Variants in CSMD1 observed in about 807,000 individuals in gnomAD.
CSMD1 encodes the protein CUB and Sushi multiple domains 1.
Under a neutral mutation model 417.5 loss-of-function variants are expected in CSMD1, and 213 were observed. That is an observed-to-expected ratio of 0.51 (90% CI 0.46 to 0.57). The LOEUF (loss-of-function observed/expected upper bound fraction) is 0.57, where lower values mean the gene tolerates loss of function less well. Among genes scored for constraint, CSMD1 ranks in the 20% least tolerant of loss-of-function variants. CSMD1 has a pLI of 0.00. For missense variants in CSMD1, 6,923 were observed against 4,529.7 expected (o/e 1.53, Z -15.17); for synonymous variants, 2,862 against 1,736.8 (o/e 1.65, Z -16.11).
intron 3 of CSMD1, among the ~76,000 whole-genome samples, chr8:4,250,755 T>C (rs1650598272): frequency 6.6e-6 from 1 of 152,202 alleles, no homozygotes; most frequent in Admixed American, 6.5e-5. Context: ...AAACTGTAAA[T>C]ATGTATAAAT....
At chr8:3,259,541 A>T (rs1585831946) in intron 26 of CSMD1, among the ~76,000 whole-genome samples, 2 of 152,208 alleles carry the variant, frequency 1.3e-5, no homozygotes, top group Non-Finnish European at 2.9e-5. Flanking sequence ...AGGTTATTTT[A>T]TTTAAAATGA....
intron 1 of CSMD1, among the ~76,000 whole-genome samples, chr8:4,660,180 A>G (rs1378696889): frequency 6.6e-6 from 1 of 151,836 alleles, no homozygotes; most frequent in Non-Finnish European, 1.5e-5. Flanking sequence ...AAAACTGTCC[A>G]TATTTAAAGA....
chr8:3,572,309 C>CA (rs1464508936), intron 10 of CSMD1, among the ~76,000 whole-genome samples: 1 of 152,128 alleles, frequency 6.6e-6, no homozygotes, highest in East Asian at 1.9e-4. Flanking sequence ...GCAGGAGCTT[C>CA]AGGGAGCAGT....
At chr8:4,290,260 T>C (rs575670690) in intron 3 of CSMD1, among the ~76,000 whole-genome samples, 7 of 152,298 alleles carry the variant, frequency 4.6e-5, no homozygotes, top group African/African-American at 1.4e-4. Context: ...AGGGTGATGT[T>C]TGTTAGAAGA....
chr8:4,364,158 A>G (rs1160762553), intron 3 of CSMD1, among the ~76,000 whole-genome samples: 5 of 152,212 alleles, frequency 3.3e-5, no homozygotes, highest in Admixed American at 2.6e-4. Context: ...CTTGTACTTC[A>G]TAAATATATA....
intron 2 of CSMD1, among the ~76,000 whole-genome samples, chr8:4,468,027 C>T (rs904678636): frequency 1.8e-4 from 27 of 151,504 alleles, no homozygotes; most frequent in Admixed American, 1.7e-3. Flanking sequence ...CCATCTCTCA[C>T]ATGGGTTACT....
At chr8:4,905,798 C>T (rs181808198) in intron 1 of CSMD1, among the ~76,000 whole-genome samples, 15 of 141,986 alleles carry the variant, frequency 1.1e-4, no homozygotes, top group Admixed American at 3.7e-4. Flanking sequence ...CCAGCCTGGG[C>T]CACAGAGCGA....
chr8:4,357,873 G>A (rs1022814528), intron 3 of CSMD1, among the ~76,000 whole-genome samples: 7 of 152,036 alleles, frequency 4.6e-5, no homozygotes, highest in Non-Finnish European at 1.0e-4. Flanking sequence ...ATATTTTAAT[G>A]CTAAAATCAT....
At chr8:3,875,235 G>T (rs774455089) in intron 5 of CSMD1, among the ~76,000 whole-genome samples, 33 of 152,182 alleles carry the variant, frequency 2.2e-4, no homozygotes, top group Non-Finnish European at 8.8e-5. Context: ...TGGTCCTCAT[G>T]ATTTGAATTG....
At chr8:4,711,225 T>A (rs12681149) in intron 1 of CSMD1, among the ~76,000 whole-genome samples, 47,348 of 151,818 alleles carry the variant, frequency 0.31, 8,095 homozygotes, top group East Asian at 0.41. Flanking sequence ...TAAAAAATGT[T>A]AATCATGCTA....
chr8:3,378,654 A>T lies in CSMD1; in HGVS notation c.2782+8840T>A, dbSNP rs530956132. 2.0e-5 allele frequency among the ~76,000 whole-genome samples: 3 copies of T among 152,312 alleles called. No homozygotes were observed. The South Asian group carries it at 6.2e-4, about 32-fold the overall frequency. On this transcript the variant is annotated intron_variant, in intron 18 of 69. Coordinates refer to ENST00000635120, the MANE Select transcript of CSMD1 (RefSeq NM_033225.6). ...CAGAACCAATGACAAAAACCACATG[A>T]TTATCTCAAGAGATGAAGAAAAGGC...
intron 1 of CSMD1, among the ~76,000 whole-genome samples, chr8:4,639,425 T>C (rs142852228): frequency 6.6e-6 from 1 of 152,268 alleles, no homozygotes; most frequent in African/African-American, 2.4e-5. Flanking sequence ...TAAATATTAC[T>C]ATCCTGTAAG....
At chr8:4,959,171 A>G (rs1809317312) in intron 1 of CSMD1, among the ~76,000 whole-genome samples, 2 of 152,214 alleles carry the variant, frequency 1.3e-5, no homozygotes, top group South Asian at 4.1e-4. Context: ...ACTGGTTTCT[A>G]TGACACAGCT....
intron 2 of CSMD1, among the ~76,000 whole-genome samples, chr8:4,563,537 T>G (rs1262575100): frequency 6.6e-6 from 1 of 152,190 alleles, no homozygotes; most frequent in Admixed American, 6.5e-5. Flanking sequence ...CTGATACTCC[T>G]CACCACACAT....
At chr8:4,729,058 A>G (rs894034026) in intron 1 of CSMD1, among the ~76,000 whole-genome samples, 5 of 152,194 alleles carry the variant, frequency 3.3e-5, no homozygotes, top group African/African-American at 1.2e-4. Flanking sequence ...GATGACCTGA[A>G]TATAGACAGG....
intron 18 of CSMD1, among the ~76,000 whole-genome samples, chr8:3,373,118 C>A (rs1810077856): frequency 6.6e-6 from 1 of 152,154 alleles, no homozygotes; most frequent in Admixed American, 6.6e-5. Flanking sequence ...CCAAAATCTG[C>A]ATGTTATATA....
At chr8:3,655,475 A>T (rs1359650995) in intron 7 of CSMD1, among the ~76,000 whole-genome samples, 1 of 152,190 alleles carries the variant, frequency 6.6e-6, no homozygotes, top group Non-Finnish European at 1.5e-5. Flanking sequence ...GACAAACAAT[A>T]GTATCAGAAA....
At position 4,406,616 on chromosome 8, in the gene CSMD1, C is replaced by T. The variant is rs116570833; in HGVS notation, c.415+13337G>A. Among the ~76,000 whole-genome samples, 417 of 152,200 alleles carry T rather than the reference C, an allele frequency of 2.7e-3. 1 individual carries two copies. Among genetic ancestry groups the T allele is most frequent in the African/African-American group, 9.4e-3 (392 of 41,532 alleles). On this transcript the variant is annotated intron_variant, in intron 3 of 69. Coordinates refer to ENST00000635120, the MANE Select transcript of CSMD1 (RefSeq NM_033225.6). Reference sequence around the variant, plus strand: ...AGACACCCACACCAAGGAAAGTGACCGGAGGCTGGGACTGGCCACACAACA... The same window carrying T: ...AGACACCCACACCAAGGAAAGTGACTGGAGGCTGGGACTGGCCACACAACA...
chr8:3,105,965 T>C (rs1303260890), intron 46 of CSMD1, among the ~76,000 whole-genome samples: 1 of 152,236 alleles, frequency 6.6e-6, no homozygotes, highest in Admixed American at 6.5e-5. Flanking sequence ...ACATGATAAA[T>C]TGCTGTGAGA....
Sources: gnomAD v4.1 joint callset for allele counts (sites outside exome capture counted in the v4.1 genomes callset) on GRCh38, gnomAD v4.1.1 for gene constraint, MANE v1.5 for transcripts, NCBI Gene and HGNC (gene_info 2026-07-23, HGNC 2026-07-21) for gene names.